Variants in HEMK2 observed in about 807,000 individuals in gnomAD.
HEMK2 encodes HemK methyltransferase 2, ETF1 glutamine and histone H4 lysine, also known as methyltransferase HEMK2.
At chr21:28,639,197 G>T in the HEMK2 span, among the ~76,000 whole-genome samples, 3 of 152,188 alleles carry the variant, frequency 2.0e-5, no homozygotes, top group African/African-American at 7.2e-5. Flanking sequence ...TTTCATGATT[G>T]ACTAGATCAA....
the HEMK2 span, among the ~76,000 whole-genome samples, chr21:28,637,997 T>C: frequency 6.6e-6 from 1 of 152,202 alleles, no homozygotes; most frequent in South Asian, 2.1e-4. Context: ...AGGTACAAAG[T>C]AGCCACAAAT....
At chr21:28,654,461 T>C in the HEMK2 span, among the ~76,000 whole-genome samples, 2 of 152,032 alleles carry the variant, frequency 1.3e-5, no homozygotes, top group African/African-American at 4.8e-5. Flanking sequence ...TTTTTGGTGG[T>C]AGAAAGGCAC....
At chr21:28,831,483 G>GAAAAGA in the HEMK2 span, among the ~76,000 whole-genome samples, 5 of 49,860 alleles carry the variant, frequency 1.0e-4, no homozygotes, top group African/African-American at 5.1e-4. Context: ...AAGAAAGAAA[G>GAAAAGA]AAAGAAAGAA....
chr21:28,837,450 G>C, the HEMK2 span, among the ~76,000 whole-genome samples: 1 of 152,286 alleles, frequency 6.6e-6, no homozygotes, highest in South Asian at 2.1e-4. Context: ...TGAGCAATGG[G>C]TCAAAAATGA....
the HEMK2 span, among the ~76,000 whole-genome samples, chr21:28,705,856 A>G: frequency 6.6e-6 from 1 of 152,116 alleles, no homozygotes; most frequent in African/African-American, 2.4e-5. Flanking sequence ...GCCAAATGCA[A>G]CAAAAATGCA....
chr21:28,727,831 T>A, the HEMK2 span, among the ~76,000 whole-genome samples: 1 of 152,202 alleles, frequency 6.6e-6, no homozygotes, highest in Non-Finnish European at 1.5e-5. Context: ...AGGGCTTGCT[T>A]GAAATAAACT....
chr21:28,757,318 C>T, the HEMK2 span, among the ~76,000 whole-genome samples: 115 of 152,174 alleles, frequency 7.6e-4, no homozygotes, highest in Non-Finnish European at 1.5e-3. Context: ...TATTTCATAC[C>T]ATGGGAGCAG....
At chr21:28,690,280 C>T in the HEMK2 span, among the ~76,000 whole-genome samples, 1 of 152,076 alleles carries the variant, frequency 6.6e-6, no homozygotes, top group Non-Finnish European at 1.5e-5. Context: ...TGAGGGAGCT[C>T]CTAGATAATA....
At chr21:28,724,925 G>A in the HEMK2 span, among the ~76,000 whole-genome samples, 3 of 144,012 alleles carry the variant, frequency 2.1e-5, no homozygotes, top group South Asian at 6.6e-4. Context: ...GGGACTACAG[G>A]TGCACACCAC....
At chr21:28,832,906 T>C in the HEMK2 span, among the ~76,000 whole-genome samples, 1 of 152,296 alleles carries the variant, frequency 6.6e-6, no homozygotes, top group South Asian at 2.1e-4. Flanking sequence ...GGTATTGAGC[T>C]AAAGACTTTG....
At chr21:28,715,436 T>A in the HEMK2 span, among the ~76,000 whole-genome samples, 1 of 152,202 alleles carries the variant, frequency 6.6e-6, no homozygotes, top group Non-Finnish European at 1.5e-5. Context: ...GCCACTTGTA[T>A]ACCTCATTTT....
chr21:28,655,122 G>A, the HEMK2 span, among the ~76,000 whole-genome samples: 1 of 151,982 alleles, frequency 6.6e-6, no homozygotes, highest in Non-Finnish European at 1.5e-5. Context: ...CACATTTTGA[G>A]CCTAATATAC....
the HEMK2 span, among the ~76,000 whole-genome samples, chr21:28,641,429 A>T: frequency 2.6e-5 from 4 of 152,154 alleles, no homozygotes; most frequent in Admixed American, 1.3e-4. Context: ...ACCTCTAAAA[A>T]ATGGGCTATA....
chr21:28,695,217 A>G, the HEMK2 span, among the ~76,000 whole-genome samples: 84,555 of 151,938 alleles, frequency 0.56, 26,193 homozygotes, highest in East Asian at 0.84. Flanking sequence ...GTTCATTCAG[A>G]CTGCTACAAC....
the HEMK2 span, among the ~76,000 whole-genome samples, chr21:28,653,790 T>C: frequency 3.3e-5 from 5 of 152,194 alleles, no homozygotes; most frequent in African/African-American, 1.2e-4. Flanking sequence ...AATTGTCACC[T>C]GGACTAGGTC....
chr21:28,844,487 T>C, the HEMK2 span, among the ~76,000 whole-genome samples: 2 of 152,086 alleles, frequency 1.3e-5, no homozygotes, highest in East Asian at 3.8e-4. Context: ...TCAATAGGTA[T>C]AGCACTAATC....
chr21:28,849,936 A>G, the HEMK2 span, among the ~76,000 whole-genome samples: 2 of 152,240 alleles, frequency 1.3e-5, no homozygotes, highest in Non-Finnish European at 2.9e-5. Flanking sequence ...CTTGGAAAAC[A>G]TATTTGAGGA....
At chr21:28,686,409 AT>A in the HEMK2 span, among the ~76,000 whole-genome samples, 1 of 151,790 alleles carries the variant, frequency 6.6e-6, no homozygotes, top group Non-Finnish European at 1.5e-5. Flanking sequence ...TAATTTTTGT[AT>A]TTTTAGTAGA....
chr21:28,694,911 T>C, the HEMK2 span, among the ~76,000 whole-genome samples: 1 of 149,904 alleles, frequency 6.7e-6, no homozygotes, highest in African/African-American at 2.5e-5. Context: ...GGCAGGAGAA[T>C]GGCGTGAACC....
Sources: gnomAD v4.1 joint callset for allele counts (sites outside exome capture counted in the v4.1 genomes callset) on GRCh38, gnomAD v4.1.1 for gene constraint, MANE v1.5 for transcripts, NCBI Gene and HGNC (gene_info 2026-07-23, HGNC 2026-07-21) for gene names.